ANKFN1: variants seen among roughly 807,000 people sequenced by gnomAD.
ANKFN1 encodes ankyrin repeat and fibronectin type III domain containing 1.
Under a neutral mutation model 108.7 loss-of-function variants are expected in ANKFN1, and 74 were observed. The observed-to-expected ratio is 0.68, with a 90% confidence interval of 0.56 to 0.83. The LOEUF is 0.83. ANKFN1 is among the 40% of genes least tolerant of loss of function. The pLI, the probability that ANKFN1 is intolerant of heterozygous loss-of-function variation, is 0.00. For synonymous variants in ANKFN1, 547 were observed against 516.2 expected (o/e 1.06, Z -0.81); for missense variants, 1,505 against 1,382.3 (o/e 1.09, Z -1.41).
At chr17:56,457,056 C>G in intron 12 of ANKFN1, 96 bp downstream of exon 12, 1 of 1,276,832 alleles carries the variant, frequency 7.8e-7, no homozygotes, top group Non-Finnish European at 1.1e-6. Context: ...TTTTTGTGTT[C>G]AAAACAATAA....
At chr17:56,294,737 C>A (rs1340965731) in intron 3 of ANKFN1, among the ~76,000 whole-genome samples, 1 of 152,236 alleles carries the variant, frequency 6.6e-6, no homozygotes, top group Non-Finnish European at 1.5e-5. Context: ...CTTTCTGCCA[C>A]ATAACTCAAC....
At chr17:56,454,208 C>A (rs909726372) in intron 11 of ANKFN1, among the ~76,000 whole-genome samples, 11 of 151,884 alleles carry the variant, frequency 7.2e-5, no homozygotes, top group African/African-American at 2.7e-4. Flanking sequence ...GCCTTACTTT[C>A]TTGGAGATTT....
At chr17:56,394,514 T>C (rs1421660086) in intron 8 of ANKFN1, among the ~76,000 whole-genome samples, 1 of 152,186 alleles carries the variant, frequency 6.6e-6, no homozygotes, top group Non-Finnish European at 1.5e-5. Flanking sequence ...AGTGGAGATT[T>C]AACAGTGGAG....
At chr17:56,396,861 T>C (rs2047604060) in intron 8 of ANKFN1, among the ~76,000 whole-genome samples, 1 of 152,044 alleles carries the variant, frequency 6.6e-6, no homozygotes, top group Non-Finnish European at 1.5e-5. Flanking sequence ...AGGACTACAC[T>C]ATCCCACCAG....
rs115875257 is a variant in ANKFN1 at position 56,325,356 on chromosome 17, C to A, written c.54-865C>A. Among the ~76,000 whole-genome samples, 618 of 152,000 alleles carry A rather than the reference C, an allele frequency of 4.1e-3. 7 individuals carry two copies. Among genetic ancestry groups the A allele is most frequent in the African/African-American group, 0.015 (602 of 41,430 alleles). ...TCCCACCCCTCAACATAATAAACAGCCTGTGAAGGTCATTTGCCATTTTAT... is the reference window on the plus strand; with the variant it reads ...TCCCACCCCTCAACATAATAAACAGACTGTGAAGGTCATTTGCCATTTTAT... On this transcript the variant is annotated intron_variant, in intron 3 of 20. Coordinates refer to ENST00000682825, the MANE Select transcript of ANKFN1 (RefSeq NM_001370326.1).
At chr17:56,338,618 G>A (rs11655085) in intron 4 of ANKFN1, among the ~76,000 whole-genome samples, 61,855 of 151,646 alleles carry the variant, frequency 0.41, 15,190 homozygotes, top group East Asian at 0.55. Context: ...TTTACCTGCC[G>A]TATATTTATT....
At chr17:56,181,839 C>T (rs1305899239) in intron 1 of ANKFN1, among the ~76,000 whole-genome samples, 1 of 152,058 alleles carries the variant, frequency 6.6e-6, no homozygotes, top group African/African-American at 2.4e-5. Flanking sequence ...TTGTGACAAC[C>T]CTGCAGTGAG....
At chr17:56,478,956 G>T (rs539483516) in intron 16 of ANKFN1, among the ~76,000 whole-genome samples, 1 of 152,178 alleles carries the variant, frequency 6.6e-6, no homozygotes, top group South Asian at 2.1e-4. Context: ...AAATGATGAT[G>T]AGGAGGAGGA....
Position 56,502,427 on chromosome 17 carries a change from C to T in ANKFN1, c.2644+3329C>T, listed in dbSNP as rs9895965. 2.4e-3 allele frequency among the ~76,000 whole-genome samples: 367 copies of T among 152,292 alleles called. 1 individual carries two copies. The highest frequency in any genetic ancestry group is 8.2e-3 in the African/African-American group (340 of 41,544). On this transcript the variant is annotated intron_variant, in intron 20 of 20. Transcript: ENST00000682825. ...CATCATTCTGTTTCTTAAAATATAA[C>T]GCTCTCTTGGGTCCATTTACTTCTT...
chr17:56,470,524 C>T (rs556694813), intron 15 of ANKFN1, among the ~76,000 whole-genome samples: 45 of 152,276 alleles, frequency 3.0e-4, no homozygotes, highest in African/African-American at 1.1e-3. Context: ...AGGCTGCCCT[C>T]AGGACACACC....
chr17:56,354,133 C>T, intron 6 of ANKFN1, 87 bp downstream of exon 6: 2 of 1,323,636 alleles, frequency 1.5e-6, no homozygotes. Flanking sequence ...ACTTTCAGAG[C>T]AGGAATGGTT....
intron 4 of ANKFN1, among the ~76,000 whole-genome samples, chr17:56,335,880 G>A (rs947671911): frequency 1.3e-5 from 2 of 152,148 alleles, no homozygotes. Flanking sequence ...ATTATTTTGA[G>A]ATATGTTCCA....
chr17:56,430,242 C>T lies in ANKFN1; in HGVS notation c.911-10085C>T, dbSNP rs971898300. On this transcript the variant is annotated intron_variant, in intron 8 of 20. Coordinates refer to ENST00000682825, the MANE Select transcript of ANKFN1 (RefSeq NM_001370326.1). ...TGATACAGATGAACCTGGAGGGTATCATGCTAAGTGAAATAAGCCAGATGC... is the reference window on the plus strand; with the variant it reads ...TGATACAGATGAACCTGGAGGGTATTATGCTAAGTGAAATAAGCCAGATGC... 3.3e-5 allele frequency among the ~76,000 whole-genome samples: 5 copies of T among 152,068 alleles called. No homozygotes were observed. In the South Asian group the frequency reaches 1.0e-3, roughly 32 times the overall value.
intron 4 of ANKFN1, among the ~76,000 whole-genome samples, chr17:56,072,872 A>T (rs1905136370): frequency 6.6e-6 from 1 of 152,350 alleles, no homozygotes; most frequent in South Asian, 2.1e-4. Flanking sequence ...AGCCCAAAAA[A>T]TTTATCCTGA....
chr17:56,277,136 T>C (rs1374439164), intron 3 of ANKFN1, among the ~76,000 whole-genome samples: 6 of 152,206 alleles, frequency 3.9e-5, no homozygotes, highest in Non-Finnish European at 8.8e-5. Context: ...GGAATGACTA[T>C]CAAATGGTAG....
chr17:56,269,595 A>G (rs2043739400), intron 3 of ANKFN1, among the ~76,000 whole-genome samples: 1 of 152,206 alleles, frequency 6.6e-6, no homozygotes, highest in African/African-American at 2.4e-5. Context: ...AAAAGCCTGG[A>G]TTTCATGAGA....
Position 56,463,115 on chromosome 17 carries a change from G to A in ANKFN1, c.1558-3241G>A, listed in dbSNP as rs528363416. 3.3e-5 allele frequency among the ~76,000 whole-genome samples: 5 copies of A among 152,330 alleles called. No homozygotes were observed. The South Asian group carries it at 1.0e-3, about 32-fold the overall frequency. ...TATAATAGTAAATAGTAACCGTGAA[G>A]TGACTACTTTCATTTATTTAACAGA... On this transcript the variant is annotated intron_variant, in intron 14 of 20. Transcript: ENST00000682825.
intron 1 of ANKFN1, among the ~76,000 whole-genome samples, chr17:56,171,422 GCTCT>G (rs1030863991): frequency 1.8e-4 from 27 of 152,154 alleles, no homozygotes; most frequent in African/African-American, 6.3e-4. Context: ...ACCCCAGGAG[GCTCT>G]CTGCAAACCA....
chr17:56,178,668 G>C (rs1468362836), intron 1 of ANKFN1, among the ~76,000 whole-genome samples: 1 of 151,904 alleles, frequency 6.6e-6, no homozygotes, highest in Non-Finnish European at 1.5e-5. Context: ...TTAACCTCAG[G>C]GTGGGCGGGA....
Sources: gnomAD v4.1 joint callset for allele counts (sites outside exome capture counted in the v4.1 genomes callset) on GRCh38, gnomAD v4.1.1 for gene constraint, MANE v1.5 for transcripts, NCBI Gene and HGNC (gene_info 2026-07-23, HGNC 2026-07-21) for gene names.